The following MAML2 variants were observed in gnomAD, a reference collection of about 807,000 sequenced individuals.
MAML2 encodes the protein mastermind-like protein 2.
In MAML2, 22 loss-of-function variants were observed where a neutral mutation model predicts 96.1. The observed-to-expected ratio is 0.23, with a 90% CI of 0.16 to 0.33. The LOEUF is 0.33. Ranked by LOEUF, MAML2 falls within the 10% of genes least tolerant of loss-of-function variation. The probability of loss-of-function intolerance (pLI) is 1.00; values close to 1 mark genes in which losing one functional copy is unlikely to be tolerated. For synonymous variants in MAML2, 561 were observed against 521.3 expected (o/e 1.08, Z -1.04); for missense variants, 1,367 against 1,392.4 (o/e 0.98, Z 0.29).
At chr11:96,316,001 T>A (rs1197634680) in intron 1 of MAML2, among the ~76,000 whole-genome samples, 1 of 152,208 alleles carries the variant, frequency 6.6e-6, no homozygotes, top group African/African-American at 2.4e-5. Context: ...CATTCAGCAA[T>A]ATGTAAGCCT....
chr11:96,192,800 G>A (rs966750577), intron 1 of MAML2, among the ~76,000 whole-genome samples: 1 of 152,196 alleles, frequency 6.6e-6, no homozygotes, highest in African/African-American at 2.4e-5. Context: ...ACATATGCCA[G>A]CATGAATGAT....
At chr11:96,235,233 G>A (rs1862352336) in intron 1 of MAML2, among the ~76,000 whole-genome samples, 1 of 152,062 alleles carries the variant, frequency 6.6e-6, no homozygotes, top group South Asian at 2.1e-4. Context: ...AGCAAACTAT[G>A]ACTCAAGGGC....
At chr11:96,337,580 T>A (rs1029528051) in intron 1 of MAML2, among the ~76,000 whole-genome samples, 10 of 152,236 alleles carry the variant, frequency 6.6e-5, no homozygotes, top group Non-Finnish European at 1.5e-4. Flanking sequence ...AAGACTTTCA[T>A]AGCATTGCAC....
intron 2 of MAML2, among the ~76,000 whole-genome samples, chr11:96,088,133 G>A (rs749965854): frequency 3.3e-5 from 5 of 152,160 alleles, no homozygotes; most frequent in Non-Finnish European, 7.3e-5. Flanking sequence ...GTGTAGAGAA[G>A]GATAAACTTG....
chr11:96,211,722 A>G (rs1490354668), intron 1 of MAML2, among the ~76,000 whole-genome samples: 1 of 152,184 alleles, frequency 6.6e-6, no homozygotes, highest in Non-Finnish European at 1.5e-5. Context: ...GAGCAGATGG[A>G]AAGGGGTTGG....
chr11:96,266,336 C>T (rs1377685211), intron 1 of MAML2, among the ~76,000 whole-genome samples: 1 of 152,028 alleles, frequency 6.6e-6, no homozygotes, highest in Non-Finnish European at 1.5e-5. Context: ...TTCGGGAGGT[C>T]GAGGTGGACA....
intron 1 of MAML2, among the ~76,000 whole-genome samples, chr11:96,115,320 T>A (rs1372467269): frequency 6.6e-6 from 1 of 151,986 alleles, no homozygotes; most frequent in Admixed American, 6.6e-5. Context: ...TGTACCATCA[T>A]GCTTGGCTAT....
At chr11:96,124,575 T>C (rs1361429924) in intron 1 of MAML2, among the ~76,000 whole-genome samples, 3 of 152,208 alleles carry the variant, frequency 2.0e-5, no homozygotes, top group African/African-American at 7.2e-5. Context: ...AGTTAATCCA[T>C]GAAAATGCAC....
At chr11:96,132,133 A>G (rs900903087) in intron 1 of MAML2, among the ~76,000 whole-genome samples, 4 of 152,248 alleles carry the variant, frequency 2.6e-5, no homozygotes, top group African/African-American at 9.6e-5. Flanking sequence ...GTGTGCACGT[A>G]CATATTTTGT....
intron 2 of MAML2, among the ~76,000 whole-genome samples, chr11:96,082,515 A>G (rs1348000022): frequency 6.6e-6 from 1 of 152,218 alleles, no homozygotes; most frequent in Non-Finnish European, 1.5e-5. Context: ...TGTTACAGCC[A>G]GTAGGGATCA....
At chr11:96,141,267 C>T (rs1860726372) in intron 1 of MAML2, among the ~76,000 whole-genome samples, 1 of 151,982 alleles carries the variant, frequency 6.6e-6, no homozygotes, top group South Asian at 2.1e-4. Context: ...TTGCTGTTTA[C>T]CAGATATTTA....
chr11:96,190,012 TC>T (rs1275150767), intron 1 of MAML2, among the ~76,000 whole-genome samples: 1 of 152,216 alleles, frequency 6.6e-6, no homozygotes, highest in Non-Finnish European at 1.5e-5. Flanking sequence ...ATTTTTTTAC[TC>T]CCTTTTTCAA....
chr11:96,257,236 T>C (rs979553840), intron 1 of MAML2, among the ~76,000 whole-genome samples: 1 of 152,246 alleles, frequency 6.6e-6, no homozygotes, highest in African/African-American at 2.4e-5. Flanking sequence ...AAGAGATAAC[T>C]GGTTTGCATC....
At chr11:96,049,448 T>C (rs1283398319) in intron 2 of MAML2, among the ~76,000 whole-genome samples, 3 of 152,228 alleles carry the variant, frequency 2.0e-5, no homozygotes, top group Non-Finnish European at 1.5e-5. Flanking sequence ...ATGGAATCTG[T>C]TCCCAGTGTG....
At chr11:95,985,697 A>T in intron 3 of MAML2, 55 bp from the exon 4 acceptor site, 1 of 1,191,846 alleles carries the variant, frequency 8.4e-7, no homozygotes, top group South Asian at 1.4e-5. Context: ...TTCACTTGTG[A>T]AAATACATGT....
intron 1 of MAML2, among the ~76,000 whole-genome samples, chr11:96,126,588 G>A (rs1860443061): frequency 6.6e-6 from 1 of 152,124 alleles, no homozygotes; most frequent in Non-Finnish European, 1.5e-5. Context: ...GAATAGTAGA[G>A]AAAGCAAGTA....
At chr11:96,104,951 T>A (rs1304388861) in intron 1 of MAML2, among the ~76,000 whole-genome samples, 1 of 152,194 alleles carries the variant, frequency 6.6e-6, no homozygotes, top group Non-Finnish European at 1.5e-5. Context: ...AACCTTCCAA[T>A]AAATCTCCCC....
chr11:96,303,743 C>T (rs1038654422), intron 1 of MAML2, among the ~76,000 whole-genome samples: 30 of 152,100 alleles, frequency 2.0e-4, no homozygotes, highest in African/African-American at 6.8e-4. Flanking sequence ...TTAAGGGGCA[C>T]AAGTGGGCAG....
intron 1 of MAML2, among the ~76,000 whole-genome samples, chr11:96,146,781 G>A (rs185996021): frequency 3.3e-5 from 5 of 152,272 alleles, no homozygotes; most frequent in African/African-American, 9.6e-5. Context: ...GTTCATTTGG[G>A]TTTGTAAGAG....
Sources: gnomAD v4.1 joint callset for allele counts (sites outside exome capture counted in the v4.1 genomes callset) on GRCh38, gnomAD v4.1.1 for gene constraint, MANE v1.5 for transcripts, NCBI Gene and HGNC (gene_info 2026-07-23, HGNC 2026-07-21) for gene names.